Variants in BAZ1A observed in about 807,000 individuals in gnomAD.
BAZ1A encodes bromodomain adjacent to zinc finger domain protein 1A.
In BAZ1A, 50 loss-of-function variants were observed where a neutral mutation model predicts 185.2. The observed-to-expected ratio is 0.27, with a 90% CI of 0.22 to 0.34. The LOEUF (loss-of-function observed/expected upper bound fraction) is 0.34, where lower values mean the gene tolerates loss of function less well. Among genes scored for constraint, BAZ1A ranks in the 10% least tolerant of loss-of-function variants. The pLI is 1.00. For missense variants in BAZ1A, 1,356 were observed against 1,839.9 expected (o/e 0.74, Z 4.81); for synonymous variants, 571 against 615.6 (o/e 0.93, Z 1.07).
chr14:34,768,465 A>G (rs1164495126), intron 21 of BAZ1A, among the ~76,000 whole-genome samples: 1 of 152,174 alleles, frequency 6.6e-6, no homozygotes, highest in Non-Finnish European at 1.5e-5. Flanking sequence ...AACTTTCTAT[A>G]TGCCAATTTA....
chr14:34,759,179 T>G (rs867346427), intron 24 of BAZ1A, among the ~76,000 whole-genome samples: 9 of 104,796 alleles, frequency 8.6e-5, no homozygotes, highest in South Asian at 3.7e-4. Flanking sequence ...CAGTTTTTTT[T>G]TTTTTTTTTT....
At chr14:34,821,423 C>A (rs2042087564) in intron 4 of BAZ1A, among the ~76,000 whole-genome samples, 1 of 152,094 alleles carries the variant, frequency 6.6e-6, no homozygotes, top group African/African-American at 2.4e-5. Flanking sequence ...TTTCTTTAAA[C>A]AACCTACTAA....
At chr14:34,854,491 C>T (rs545794270) in intron 3 of BAZ1A, among the ~76,000 whole-genome samples, 2 of 152,152 alleles carry the variant, frequency 1.3e-5, no homozygotes, top group South Asian at 4.1e-4. Context: ...TAAAATTTAA[C>T]TTTCAATAGA....
chr14:34,854,337 G>A (rs1188705564), intron 3 of BAZ1A, among the ~76,000 whole-genome samples: 4 of 152,190 alleles, frequency 2.6e-5, no homozygotes, highest in South Asian at 2.1e-4. Flanking sequence ...CATGAAATTC[G>A]CTTGAACCCG....
At chr14:34,770,956 A>C (rs1274272285) in intron 21 of BAZ1A, among the ~76,000 whole-genome samples, 1 of 152,114 alleles carries the variant, frequency 6.6e-6, no homozygotes, top group South Asian at 2.1e-4. Flanking sequence ...AAAGTTACAC[A>C]TAATCTTTGA....
chr14:34,759,193 T>TTTTGTTTTTTTTG (rs1886415225), intron 24 of BAZ1A, among the ~76,000 whole-genome samples: 1 of 130,694 alleles, frequency 7.7e-6, no homozygotes, highest in African/African-American at 3.0e-5. Context: ...TTTTTTTTTT[T>TTTTGTTTTTTTTG]TTTTTGAGAT....
chr14:34,766,648 T>C (rs1002014336), intron 21 of BAZ1A, among the ~76,000 whole-genome samples: 1 of 152,160 alleles, frequency 6.6e-6, no homozygotes, highest in African/African-American at 2.4e-5. Context: ...TCCCTGAGGA[T>C]CAAGCAAAGC....
chr14:34,759,314 G>A (rs1341099115), intron 24 of BAZ1A, among the ~76,000 whole-genome samples: 3 of 151,216 alleles, frequency 2.0e-5, no homozygotes, highest in Non-Finnish European at 4.4e-5. Flanking sequence ...CTGAGTAGCT[G>A]GAACTATAGG....
intron 14 of BAZ1A, among the ~76,000 whole-genome samples, chr14:34,784,790 T>C (rs567221786): frequency 3.3e-4 from 51 of 152,240 alleles, no homozygotes; most frequent in Middle Eastern, 6.8e-3. Flanking sequence ...AGTACTGGGA[T>C]TACAGGCGTG....
chr14:34,779,830 T>C (rs1879920758), intron 17 of BAZ1A, among the ~76,000 whole-genome samples: 1 of 152,214 alleles, frequency 6.6e-6, no homozygotes, highest in African/African-American at 2.4e-5. Flanking sequence ...CATTATAGAA[T>C]ACAAATTTCT....
In BAZ1A at chr14:34,780,522, T is replaced by C. The variant is rs755938110; in HGVS notation, c.2112-212A>G. Among the ~76,000 whole-genome samples the C allele has an allele frequency of 1.2e-4, 18 of 152,190 alleles. 1 individual carries two copies. Among genetic ancestry groups the C allele is most frequent in the Non-Finnish European group, 2.4e-4 (16 of 68,024 alleles). ...CTAAAACAAGAGAAGTTCAAGGTACTATGAAAACATTTCAAGGAGAATGAA... is the reference window on the plus strand; with the variant it reads ...CTAAAACAAGAGAAGTTCAAGGTACCATGAAAACATTTCAAGGAGAATGAA... On this transcript the variant is annotated intron_variant, in intron 16 of 26. Transcript: ENST00000360310.
At chr14:34,754,596 G>C (rs777506513) in intron 26 of BAZ1A, among the ~76,000 whole-genome samples, 11 of 152,016 alleles carry the variant, frequency 7.2e-5, no homozygotes, top group Non-Finnish European at 1.2e-4. Flanking sequence ...AGTAAGATCA[G>C]ATCTATAAAG....
Position 34,874,683 on chromosome 14 carries a change from G to C in BAZ1A, c.-58-21C>G. The C allele has an allele frequency of 7.7e-7, 1 of 1,292,272 alleles. No individual in the cohort carries two copies. The highest frequency in any genetic ancestry group is 1.1e-6 in the Non-Finnish European group (1 of 930,976). The allele number at this position is 1,292,272 out of a possible 1,614,324, so 80.1% of individuals were successfully genotyped here. A position where few individuals can be genotyped will look rare whatever the true frequency, so the allele number is the denominator to read the frequency against. On this transcript the variant is annotated intron_variant, in intron 1 of 26. Transcript: ENST00000360310. The surrounding 1 kb of genome is among the most constrained non-coding windows in gnomAD (Gnocchi z 4.7). ...CTTCCCTATCAAAATTGGAGGGAAA[G>C]GAAAGCCGGTAAGGTGGGGAGCCCT...
intron 3 of BAZ1A, among the ~76,000 whole-genome samples, chr14:34,860,755 G>A (rs2042756467): frequency 1.3e-5 from 2 of 151,716 alleles, no homozygotes; most frequent in Admixed American, 6.6e-5. Flanking sequence ...AAAATTAGCT[G>A]GGTGTGGTGG....
At chr14:34,867,536 G>A (rs1304242442) in intron 2 of BAZ1A, among the ~76,000 whole-genome samples, 1 of 152,186 alleles carries the variant, frequency 6.6e-6, no homozygotes, top group East Asian at 1.9e-4. Context: ...GAACAGCAAT[G>A]GCACAAATGC....
chr14:34,776,074 C>T lies in BAZ1A; in HGVS notation c.2678G>A (p.Cys893Tyr). Residue 893 changes from cysteine to tyrosine, a missense_variant, in exon 18 of 27, where the codon TGC (cysteine) becomes TAC (tyrosine). Cys to Tyr is a radical substitution (Grantham distance 194). This residue lies in a region of BAZ1A where 434 missense variants were observed against 561.7 expected (regional missense o/e 0.77). Transcript: ENST00000360310. ...TAGCTGTTCACAAGAACTGTAAAAG[C>T]ACCACCGATTTGGCTTATGCACTGG... ...PKPVHKPNRW[C>Y]FYSSCEQLDQ... The T allele has an allele frequency of 1.2e-6, 2 of 1,614,196 alleles. No individual in the cohort carries two copies. Among genetic ancestry groups the T allele is most frequent in the Non-Finnish European group, 1.7e-6 (2 of 1,180,022 alleles).
intron 20 of BAZ1A, among the ~76,000 whole-genome samples, chr14:34,772,778 C>T (rs1879309962): frequency 6.6e-6 from 1 of 152,048 alleles, no homozygotes; most frequent in Non-Finnish European, 1.5e-5. Flanking sequence ...GGCCTGTAAT[C>T]CCAGCACTTT....
At chr14:34,785,236 T>C (rs1880363534) in intron 14 of BAZ1A, among the ~76,000 whole-genome samples, 1 of 152,104 alleles carries the variant, frequency 6.6e-6, no homozygotes, top group South Asian at 2.1e-4. Flanking sequence ...AAAAAGACAA[T>C]GGTAAATTAC....
intron 4 of BAZ1A, among the ~76,000 whole-genome samples, chr14:34,825,666 G>A (rs768958983): frequency 2.0e-5 from 3 of 152,000 alleles, no homozygotes; most frequent in Admixed American, 6.6e-5. Context: ...AGCTGGGTGC[G>A]GTGGCTCATG....
Sources: allele counts gnomAD v4.1 joint callset (sites outside exome capture counted in the v4.1 genomes callset), GRCh38; gene constraint gnomAD v4.1.1; regional missense constraint gnomAD v4.1.1; non-coding constraint Gnocchi (gnomAD v3.1); transcripts MANE v1.5; gene names NCBI Gene and HGNC (gene_info 2026-07-23, HGNC 2026-07-21).